The following SH3PXD2B variants were observed in gnomAD, a reference collection of about 807,000 sequenced individuals.
SH3PXD2B encodes the protein SH3 and PX domain-containing protein 2B.
SH3PXD2B carries 37 observed loss-of-function variants against 73.1 expected under a neutral mutation model. The observed-to-expected ratio is 0.51, with a 90% confidence interval of 0.39 to 0.67. SH3PXD2B has a LOEUF of 0.67. Among genes scored for constraint, SH3PXD2B ranks in the 30% least tolerant of loss-of-function variants. The probability of loss-of-function intolerance (pLI) is 0.00; values close to 1 mark genes in which losing one functional copy is unlikely to be tolerated. For synonymous variants in SH3PXD2B, 457 were observed against 480.5 expected, an observed-to-expected ratio of 0.95 and a Z score of 0.64; for missense variants, 1,053 against 1,197.8, an observed-to-expected ratio of 0.88 and a Z score of 1.78.
chr5:172,335,174 G>C lies in SH3PXD2B; in HGVS notation c.*3195C>G. 1 of 994,134 alleles carries C rather than the reference G, an allele frequency of 1.0e-6. No homozygotes were observed. The highest frequency in any genetic ancestry group is 1.2e-6 in the Non-Finnish European group (1 of 836,068). The allele number at this position is 994,134 out of a possible 1,614,324, so 61.6% of individuals were successfully genotyped here. A position where few individuals can be genotyped will look rare whatever the true frequency, so the allele number is the denominator to read the frequency against. On this transcript the variant is annotated 3_prime_UTR_variant, in exon 13 of 13. Transcript: ENST00000311601. Reference sequence around the variant, plus strand: ...CAAATTTTTGGAGGTACCGCAAGCTGTCCGTTTGCCCTGGGATGTAAGGTA... The same window carrying C: ...CAAATTTTTGGAGGTACCGCAAGCTCTCCGTTTGCCCTGGGATGTAAGGTA...
At chr5:172,358,638 A>G in intron 8 of SH3PXD2B, 135 bp downstream of exon 8, 4 of 850,506 alleles carry the variant, frequency 4.7e-6, no homozygotes, top group South Asian at 4.3e-5. Context: ...TTCACAGGCC[A>G]TGGAGCCTCA....
At chr5:172,417,370 G>A (rs911902720) in intron 2 of SH3PXD2B, among the ~76,000 whole-genome samples, 1 of 152,158 alleles carries the variant, frequency 6.6e-6, no homozygotes, top group Non-Finnish European at 1.5e-5. Flanking sequence ...CCACCAGCTG[G>A]ACATCAACTG....
At chr5:172,381,919 A>T in intron 5 of SH3PXD2B, 117 bp downstream of exon 5, 1 of 718,908 alleles carries the variant, frequency 1.4e-6, no homozygotes, top group Non-Finnish European at 2.4e-6. Flanking sequence ...GCGGTCTCAC[A>T]GGGGCTCAGC....
intron 1 of SH3PXD2B, among the ~76,000 whole-genome samples, chr5:172,450,503 T>C (rs1045967626): frequency 1.3e-5 from 2 of 152,162 alleles, no homozygotes; most frequent in Admixed American, 1.3e-4. Context: ...TATTACTATA[T>C]TGAAAATATA....
At position 172,326,831 on chromosome 5, in the gene SH3PXD2B, G is replaced by C. The variant is rs1330479859; in HGVS notation, c.1189-1451C>G. ...TTTAAGAAAAAGTTTGCCAACTCCT[G>C]TACTAGGCAATGAAAATGTCTCAAG... is the stretch of plus-strand genomic sequence containing the variant. On this transcript the variant is annotated intron_variant, in intron 12 of 12. Coordinates refer to the SH3PXD2B transcript ENST00000519643. 2.0e-5 allele frequency among the ~76,000 whole-genome samples: 3 copies of C among 150,246 alleles called. No individual in the cohort carries two copies. The East Asian group carries it at 5.8e-4, about 29-fold the overall frequency.
intron 2 of SH3PXD2B, among the ~76,000 whole-genome samples, chr5:172,414,301 T>G (rs1200473270): frequency 6.6e-6 from 1 of 151,640 alleles, no homozygotes; most frequent in Non-Finnish European, 1.5e-5. Flanking sequence ...AAACCCCATC[T>G]CTACTAAAAA....
intron 7 of SH3PXD2B, among the ~76,000 whole-genome samples, chr5:172,360,045 G>A (rs565002116): frequency 8.5e-5 from 13 of 152,332 alleles, no homozygotes; most frequent in African/African-American, 3.1e-4. Context: ...ATGGGGCCCT[G>A]TCGATCCCTT....
chr5:172,426,933 T>G (rs73804838), intron 1 of SH3PXD2B, among the ~76,000 whole-genome samples: 12,840 of 152,250 alleles, frequency 0.084, 1,380 homozygotes, highest in African/African-American at 0.26. Flanking sequence ...CACACCAGTT[T>G]GATTTGGTGT....
chr5:172,414,239 C>T (rs1229089796), intron 2 of SH3PXD2B, among the ~76,000 whole-genome samples: 1 of 151,942 alleles, frequency 6.6e-6, no homozygotes, highest in East Asian at 1.9e-4. Context: ...GAGGCTGAGG[C>T]GGGTGGATTG....
downstream of SH3PXD2B, among the ~76,000 whole-genome samples, chr5:172,328,971 C>T (rs115767204): frequency 0.016 from 2,446 of 149,224 alleles, 65 homozygotes; most frequent in African/African-American, 0.057. Flanking sequence ...TTTATTAATC[C>T]ATGTATTTTG....
chr5:172,432,143 A>G (rs1244618574), intron 1 of SH3PXD2B, among the ~76,000 whole-genome samples: 1 of 152,232 alleles, frequency 6.6e-6, no homozygotes, highest in African/African-American at 2.4e-5. Context: ...ACTGCCCTCC[A>G]GCCTGGACAA....
intron 4 of SH3PXD2B, among the ~76,000 whole-genome samples, chr5:172,385,121 C>T (rs1758030574): frequency 6.6e-6 from 1 of 152,126 alleles, no homozygotes; most frequent in Non-Finnish European, 1.5e-5. Flanking sequence ...ATTCTCCTGG[C>T]CTGGATGAGC....
At chr5:172,442,582 T>A (rs549377468) in intron 1 of SH3PXD2B, among the ~76,000 whole-genome samples, 1 of 152,334 alleles carries the variant, frequency 6.6e-6, no homozygotes, top group East Asian at 1.9e-4. Context: ...AGAAAACAGC[T>A]ACAAATTTTA....
intron 6 of SH3PXD2B, among the ~76,000 whole-genome samples, chr5:172,369,597 G>A (rs1171138571): frequency 1.3e-5 from 2 of 152,060 alleles, no homozygotes; most frequent in Non-Finnish European, 2.9e-5. Context: ...ATGAAATCCC[G>A]TCTGTACTAA....
chr5:172,414,306 T>C (rs1237474098), intron 2 of SH3PXD2B, among the ~76,000 whole-genome samples: 1 of 151,300 alleles, frequency 6.6e-6, no homozygotes, highest in African/African-American at 2.4e-5. Context: ...CCATCTCTAC[T>C]AAAAATACAA....
At chr5:172,361,085 A>G (rs1225761242) in intron 7 of SH3PXD2B, among the ~76,000 whole-genome samples, 1 of 152,186 alleles carries the variant, frequency 6.6e-6, no homozygotes, top group Non-Finnish European at 1.5e-5. Context: ...GGTTTTTAAA[A>G]AACCCACAAA....
intron 1 of SH3PXD2B, among the ~76,000 whole-genome samples, chr5:172,425,350 C>T (rs1759070300): frequency 1.3e-5 from 2 of 152,078 alleles, no homozygotes; most frequent in Non-Finnish European, 2.9e-5. Context: ...AACCAGCAAA[C>T]CTGCCGACAT....
intron 2 of SH3PXD2B, among the ~76,000 whole-genome samples, chr5:172,416,690 CTCTCTCTTTTTTTTTTTTTTTT>C (rs1488174788): frequency 2.5e-3 from 237 of 95,160 alleles, no homozygotes; most frequent in Middle Eastern, 5.9e-3. Context: ...CTCTCTCTCT[CTCTCTCTTTTTTTTTTTTTTTT>C]TTTTTTTTTT....
intron 12 of SH3PXD2B, among the ~76,000 whole-genome samples, chr5:172,344,673 A>G (rs1054570572): frequency 6.6e-6 from 1 of 151,446 alleles, no homozygotes; most frequent in Non-Finnish European, 1.5e-5. Context: ...AGATTTTTCT[A>G]TAATGGATTA....
Sources: allele counts gnomAD v4.1 joint callset (sites outside exome capture counted in the v4.1 genomes callset), GRCh38; gene constraint gnomAD v4.1.1; transcripts MANE v1.5; gene names NCBI Gene and HGNC (gene_info 2026-07-23, HGNC 2026-07-21).